The following SYN3 variants were observed in gnomAD, a reference collection of about 807,000 sequenced individuals.
The protein encoded by SYN3 is synapsin III, also known as synapsin-3.
Under a neutral mutation model 65.8 loss-of-function variants are expected in SYN3, and 35 were observed. The observed-to-expected ratio is 0.53, with a 90% CI of 0.41 to 0.70. The LOEUF (loss-of-function observed/expected upper bound fraction) is 0.70. Among genes scored for constraint, SYN3 ranks in the 30% least tolerant of loss-of-function variants. SYN3 has a pLI of 0.00. For missense variants in SYN3, 680 were observed against 749.0 expected, an observed-to-expected ratio of 0.91 and a Z score of 1.08; for synonymous variants, 270 against 292.9, an observed-to-expected ratio of 0.92 and a Z score of 0.80.
intron 6 of SYN3, among the ~76,000 whole-genome samples, chr22:32,604,464 C>T (rs1318906138): frequency 6.6e-6 from 1 of 152,072 alleles, no homozygotes; most frequent in African/African-American, 2.4e-5. Flanking sequence ...GTAAGCTGTT[C>T]CCTGTTTCCC....
At chr22:32,736,159 A>G (rs898586234) in intron 6 of SYN3, among the ~76,000 whole-genome samples, 36 of 152,368 alleles carry the variant, frequency 2.4e-4, no homozygotes, top group African/African-American at 8.7e-4. Flanking sequence ...TTCACACATG[A>G]AATACTAATG....
At chr22:32,720,418 CAG>C (rs1206961561) in intron 6 of SYN3, among the ~76,000 whole-genome samples, 1 of 152,208 alleles carries the variant, frequency 6.6e-6, no homozygotes, top group African/African-American at 2.4e-5. Flanking sequence ...GTGGAGGAAA[CAG>C]ATGCTCAGAA....
rs375890190 is a variant in SYN3, at chr22:32,528,860, C to T, written c.1230+14G>A. ...TCATGGCTATAAAGTCTCCTTTGAT[C>T]GTGAGGGTCTTACCCAAGGTCTGAG... On this transcript the variant is annotated intron_variant, in intron 11 of 13. Transcript: ENST00000358763. The T allele has an allele frequency of 2.2e-5, 35 of 1,613,920 alleles. No individual in the cohort carries two copies. The highest frequency in any genetic ancestry group is 2.5e-5 in the Non-Finnish European group (30 of 1,179,994).
chr22:32,609,248 C>T (rs544399410), intron 6 of SYN3, among the ~76,000 whole-genome samples: 11 of 152,010 alleles, frequency 7.2e-5, no homozygotes, highest in South Asian at 2.1e-4. Flanking sequence ...GGCGTGAATC[C>T]GGGAGGCGGA....
chr22:32,785,345 C>T (rs1033023601), intron 6 of SYN3, among the ~76,000 whole-genome samples: 14 of 152,250 alleles, frequency 9.2e-5, no homozygotes, highest in Admixed American at 6.5e-5. Context: ...ACCATGCTTC[C>T]GGGTAGAGTC....
chr22:32,821,881 C>T (rs529492948), intron 6 of SYN3, among the ~76,000 whole-genome samples: 81 of 152,284 alleles, frequency 5.3e-4, no homozygotes, highest in African/African-American at 1.7e-3. Context: ...TGAGGCCGAG[C>T]GCAGTGGCTC....
At chr22:33,010,658 C>T (rs1260217796) in intron 1 of SYN3, among the ~76,000 whole-genome samples, 1 of 152,190 alleles carries the variant, frequency 6.6e-6, no homozygotes, top group African/African-American at 2.4e-5. Context: ...GTCCTATTTT[C>T]ATATGCATTT....
Position 32,778,784 on chromosome 22 carries a change from A to G in SYN3, c.711+86131T>C, listed in dbSNP as rs571014105. 5.4e-4 allele frequency among the ~76,000 whole-genome samples: 82 copies of G among 152,328 alleles called. 1 individual carries two copies. Among genetic ancestry groups the G allele is most frequent in the African/African-American group, 1.9e-3 (79 of 41,582 alleles). On this transcript the variant is annotated intron_variant, in intron 6 of 13. Coordinates refer to ENST00000358763, the MANE Select transcript of SYN3 (RefSeq NM_003490.4). ...GACATTATTTTGAAGACAACCTTCA[A>G]CATACCTTAATTTGTTTCTTAATAA...
chr22:33,015,076 C>T, intron 1 of SYN3: 1 of 174,196 alleles, frequency 5.7e-6, no homozygotes, highest in Non-Finnish European at 1.3e-5. Context: ...AAAAAATTAG[C>T]CGGGCGTGGT....
At chr22:32,979,848 G>T (rs1395025181) in intron 3 of SYN3, among the ~76,000 whole-genome samples, 1 of 152,160 alleles carries the variant, frequency 6.6e-6, no homozygotes, top group Non-Finnish European at 1.5e-5. Context: ...CTCAACCAAG[G>T]TCACAAGGTT....
intron 4 of SYN3, among the ~76,000 whole-genome samples, chr22:32,899,502 G>A (rs1312829326): frequency 6.6e-6 from 1 of 152,182 alleles, no homozygotes; most frequent in African/African-American, 2.4e-5. Context: ...AGGAGCGTGT[G>A]TGCAGGGAAT....
intron 6 of SYN3, among the ~76,000 whole-genome samples, chr22:32,828,874 A>C (rs2047489858): frequency 6.6e-6 from 1 of 152,176 alleles, no homozygotes; most frequent in South Asian, 2.1e-4. Context: ...TGGGGGAGAC[A>C]GTCACATAAG....
intron 4 of SYN3, among the ~76,000 whole-genome samples, chr22:32,902,177 C>A (rs2049779226): frequency 6.6e-6 from 1 of 152,230 alleles, no homozygotes; most frequent in South Asian, 2.1e-4. Context: ...TTAGCATGAG[C>A]CTAGGGCTTG....
chr22:32,835,117 G>A (rs1388206851), intron 6 of SYN3, among the ~76,000 whole-genome samples: 2 of 152,200 alleles, frequency 1.3e-5, no homozygotes, highest in East Asian at 1.9e-4. Flanking sequence ...AGTTCATGCA[G>A]CGGAATTGGC....
chr22:32,628,271 T>A (rs1000453089), intron 6 of SYN3, among the ~76,000 whole-genome samples: 9 of 152,166 alleles, frequency 5.9e-5, no homozygotes, highest in Non-Finnish European at 1.3e-4. Context: ...CCCCTTGCTC[T>A]TGATGTTAGT....
intron 5 of SYN3, 75 bp downstream of exon 5, chr22:32,868,891 A>T (rs1295436869): frequency 3.4e-5 from 49 of 1,460,490 alleles, no homozygotes; most frequent in Admixed American, 5.9e-5. Context: ...CATGCTGGGG[A>T]GTGGGCTTGT....
chr22:32,671,040 G>C (rs1165812076), intron 6 of SYN3, among the ~76,000 whole-genome samples: 1 of 152,218 alleles, frequency 6.6e-6, no homozygotes, highest in African/African-American at 2.4e-5. Flanking sequence ...GCACCATAAG[G>C]CTATTTGGCA....
In SYN3 at chr22:32,801,471, C is replaced by G. The variant is rs1040920356; in HGVS notation, c.711+63444G>C. Among the ~76,000 whole-genome samples the G allele has an allele frequency of 9.9e-5, 15 of 152,212 alleles. No homozygotes were observed. Among genetic ancestry groups the G allele is most frequent in the Non-Finnish European group, 1.8e-4 (12 of 68,038 alleles). On this transcript the variant is annotated intron_variant, in intron 6 of 13. Transcript: ENST00000358763. This position sits in a 1 kb window ranked among gnomAD's most constrained non-coding sequence, Gnocchi z 4.7. ...CCCAGCGGCAAGCACCGGTCCCGGG[C>G]GCGCCCCAGCCCACCCACTCGCGTG...
intron 6 of SYN3, among the ~76,000 whole-genome samples, chr22:32,724,980 T>C (rs917127066): frequency 6.6e-6 from 1 of 152,092 alleles, no homozygotes; most frequent in African/African-American, 2.4e-5. Flanking sequence ...ATTAGCCAAG[T>C]GTGGTGGTGC....
Sources: gnomAD v4.1 joint callset for allele counts (sites outside exome capture counted in the v4.1 genomes callset) on GRCh38, gnomAD v4.1.1 for gene constraint, Gnocchi (gnomAD v3.1) non-coding constraint, MANE v1.5 for transcripts, NCBI Gene and HGNC (gene_info 2026-07-23, HGNC 2026-07-21) for gene names.